The following ODAD2 variants were observed in gnomAD, a reference collection of about 807,000 sequenced individuals.
ODAD2 encodes the protein outer dynein arm-docking complex subunit 2.
Under a neutral mutation model 106.8 loss-of-function variants are expected in ODAD2, and 89 were observed. The ratio of observed to expected loss-of-function variants is 0.83; its 90% CI spans 0.70 to 0.99. The LOEUF (loss-of-function observed/expected upper bound fraction) is 0.99. Among genes scored for constraint, ODAD2 ranks in the 50% least tolerant of loss-of-function variants. The pLI is 0.00. For synonymous variants in ODAD2, 404 were observed against 436.2 expected, an observed-to-expected ratio of 0.93 and a Z score of 0.92; for missense variants, 1,168 against 1,238.5, an observed-to-expected ratio of 0.94 and a Z score of 0.85.
chr10:27,951,009 T>G (rs1398904319), intron 10 of ODAD2, among the ~76,000 whole-genome samples: 1 of 152,106 alleles, frequency 6.6e-6, no homozygotes, highest in African/African-American at 2.4e-5. Flanking sequence ...AAAGTTCCCA[T>G]GTCGGGATTA....
At chr10:27,872,614 C>A (rs1840986543) in intron 17 of ODAD2, among the ~76,000 whole-genome samples, 1 of 152,152 alleles carries the variant, frequency 6.6e-6, no homozygotes, top group South Asian at 2.1e-4. Context: ...TTGAGATAAT[C>A]ATGTGGTTTT....
chr10:27,987,494 G>C lies in ODAD2; in HGVS notation c.274C>G (p.Leu92Val). The change falls in exon 3 of 20, where the codon CTA (leucine) becomes GTA (valine). Residue 92 changes from leucine to valine, a missense_variant. Transcript: ENST00000305242. ...TTAATTTGTGGTACAGAGAGAAATAGCAAAGGCTGTCCATTTTTATCAACT... is the reference window on the plus strand; with the variant it reads ...TTAATTTGTGGTACAGAGAGAAATACCAAAGGCTGTCCATTTTTATCAACT... ...EEVDKNGQPL[L>V]FLSVPQIKIR... The C allele has an allele frequency of 6.2e-7, 1 of 1,613,236 alleles. No homozygotes were observed. Among genetic ancestry groups the C allele is most frequent in the African/African-American group, 1.3e-5 (1 of 75,032 alleles).
rs543636084 is a variant in ODAD2, at chr10:27,906,690, C to T, written c.2610+973G>A. On this transcript the variant is annotated intron_variant, in intron 17 of 19. Coordinates refer to ENST00000305242, the MANE Select transcript of ODAD2 (RefSeq NM_018076.5). ...ATGGAATACTATGCAGCCATAAAAA[C>T]GAATGAGTTCATGTCCTTTGCAGGG... is the stretch of plus-strand genomic sequence containing the variant. Among the ~76,000 whole-genome samples, 3 of 152,186 alleles carry T rather than the reference C, an allele frequency of 2.0e-5. No individual in the cohort carries two copies. The South Asian group carries it at 6.2e-4, about 32-fold the overall frequency.
chr10:27,909,817 G>GAAAAAAAAAA, intron 16 of ODAD2, among the ~76,000 whole-genome samples: 1 of 56,386 alleles, frequency 1.8e-5, no homozygotes, highest in Non-Finnish European at 3.3e-5. Flanking sequence ...GTCTTCATTT[G>GAAAAAAAAAA]AAAAAAAAAA....
rs73606011 is a variant in ODAD2 at position 27,939,790 on chromosome 10, T to C, written c.2097+107A>G. ...AAAAAAATCAAATAAATAAATAAAA[T>C]GCAGATTCCTGAGTCCCATTCTCAC... On this transcript the variant is annotated intron_variant, in intron 14 of 19. Coordinates refer to ENST00000305242, the MANE Select transcript of ODAD2 (RefSeq NM_018076.5). The C allele has an allele frequency of 1.1e-3, 568 of 505,474 alleles. 5 individuals are homozygous for C. The highest frequency in any genetic ancestry group is 0.011 in the African/African-American group (532 of 49,924). The allele number at this position is 505,474 out of a possible 1,614,324, so 31.3% of individuals were successfully genotyped here. A position where few individuals can be genotyped will look rare whatever the true frequency, so the allele number is the denominator to read the frequency against.
intron 7 of ODAD2, 63 bp downstream of exon 7, chr10:27,981,403 C>G: frequency 7.2e-7 from 1 of 1,385,340 alleles, no homozygotes; most frequent in African/African-American, 1.5e-5. Flanking sequence ...TTTCTTGTAC[C>G]ATAGAAAGTT....
intron 2 of ODAD2, 92 bp downstream of exon 2, chr10:27,994,827 G>A: frequency 1.5e-6 from 2 of 1,368,744 alleles, no homozygotes; most frequent in Non-Finnish European, 1.0e-6. Context: ...GAGGTTCAGA[G>A]AGGTTAGGTG....
At chr10:27,899,273 A>T (rs1011389677) in intron 17 of ODAD2, among the ~76,000 whole-genome samples, 1 of 151,918 alleles carries the variant, frequency 6.6e-6, no homozygotes, top group Non-Finnish European at 1.5e-5. Context: ...GGAACAGTAT[A>T]CTCTGGCCCA....
At chr10:27,928,915 A>G (rs1401650372) in intron 16 of ODAD2, among the ~76,000 whole-genome samples, 2 of 152,170 alleles carry the variant, frequency 1.3e-5, no homozygotes, top group Non-Finnish European at 2.9e-5. Flanking sequence ...CATTTTATGT[A>G]TATGGTGACC....
intron 19 of ODAD2, among the ~76,000 whole-genome samples, chr10:27,827,363 CAT>C (rs1837129803): frequency 8.8e-6 from 1 of 114,220 alleles, no homozygotes; most frequent in Non-Finnish European, 1.7e-5. Flanking sequence ...CAGACACACA[CAT>C]ACACACACAC....
At chr10:27,950,323 T>C (rs1460639004) in intron 10 of ODAD2, among the ~76,000 whole-genome samples, 1 of 152,206 alleles carries the variant, frequency 6.6e-6, no homozygotes, top group East Asian at 1.9e-4. Flanking sequence ...GTGAGTGGTG[T>C]ATAACCACGT....
chr10:27,957,972 G>A (rs528003489), intron 10 of ODAD2, among the ~76,000 whole-genome samples: 1 of 151,986 alleles, frequency 6.6e-6, no homozygotes, highest in African/African-American at 2.4e-5. Context: ...TAAAATGTCA[G>A]GTGTATTTAT....
intron 17 of ODAD2, among the ~76,000 whole-genome samples, chr10:27,875,137 T>C (rs187052245): frequency 3.9e-4 from 59 of 152,370 alleles, no homozygotes; most frequent in African/African-American, 1.2e-3. Context: ...TTTCTTCCAG[T>C]TGATTGAATC....
chr10:27,821,214 G>A (rs753919190), intron 19 of ODAD2, among the ~76,000 whole-genome samples: 1 of 152,094 alleles, frequency 6.6e-6, no homozygotes, highest in African/African-American at 2.4e-5. Flanking sequence ...TGTGTGCTCC[G>A]GGTATGAATA....
chr10:27,865,756 C>G (rs1840392550), intron 17 of ODAD2, among the ~76,000 whole-genome samples: 1 of 152,210 alleles, frequency 6.6e-6, no homozygotes, highest in African/African-American at 2.4e-5. Flanking sequence ...AAAGCTTTCA[C>G]TGTGGTTACA....
intron 9 of ODAD2, among the ~76,000 whole-genome samples, chr10:27,967,418 G>C (rs1250085465): frequency 6.6e-6 from 1 of 152,248 alleles, no homozygotes; most frequent in Non-Finnish European, 1.5e-5. Flanking sequence ...GGTATCAGCA[G>C]AGGCATAGGT....
chr10:27,871,227 T>C (rs188663670), intron 17 of ODAD2, among the ~76,000 whole-genome samples: 1 of 152,218 alleles, frequency 6.6e-6, no homozygotes, highest in Non-Finnish European at 1.5e-5. Context: ...CTAAATTTGT[T>C]TGAGTTCTTT....
rs576860806 is a variant in ODAD2, at chr10:27,903,162, C to T, written c.2610+4501G>A. ...GGTTCAACATATGCAAATCAATAAA[C>T]GTAATCCATCACATAAACAGAACCA... On this transcript the variant is annotated intron_variant, in intron 17 of 19. Coordinates refer to ENST00000305242, the MANE Select transcript of ODAD2 (RefSeq NM_018076.5). 6.5e-4 allele frequency among the ~76,000 whole-genome samples: 99 copies of T among 152,254 alleles called. 1 individual carries two copies. The highest frequency in any genetic ancestry group is 2.3e-3 in the African/African-American group (97 of 41,552).
At chr10:27,952,077 A>AAAAAAAAAAAAAAC (rs1847374573) in intron 10 of ODAD2, among the ~76,000 whole-genome samples, 1 of 148,366 alleles carries the variant, frequency 6.7e-6, no homozygotes, top group Non-Finnish European at 1.5e-5. Context: ...GCCAACTCAA[A>AAAAAAAAAAAAAAC]AAAAAAAAAA....
Sources: allele counts gnomAD v4.1 joint callset (sites outside exome capture counted in the v4.1 genomes callset), GRCh38; gene constraint gnomAD v4.1.1; transcripts MANE v1.5; gene names NCBI Gene and HGNC (gene_info 2026-07-23, HGNC 2026-07-21).